PLD5: variants seen among roughly 807,000 people sequenced by gnomAD.
PLD5 encodes the protein phospholipase D family member 5.
A neutral mutation model predicts 61.1 loss-of-function variants in PLD5; 36 were observed. That is an observed-to-expected ratio of 0.59 (90% CI 0.45 to 0.78). The LOEUF (loss-of-function observed/expected upper bound fraction) is 0.78. PLD5 is among the 30% of genes least tolerant of loss of function. The pLI is 0.00. For synonymous variants in PLD5, 243 were observed against 242.8 expected (o/e 1.00, Z -0.01); for missense variants, 515 against 644.4 (o/e 0.80, Z 2.17).
intron 1 of PLD5, among the ~76,000 whole-genome samples, chr1:242,351,454 C>T (rs2580209): frequency 2.6e-5 from 4 of 152,068 alleles, no homozygotes; most frequent in Admixed American, 6.6e-5. Flanking sequence ...TTTTCCCATG[C>T]GGTTCTCATG....
At chr1:242,243,245 G>A (rs879649065) in intron 4 of PLD5, among the ~76,000 whole-genome samples, 20 of 152,336 alleles carry the variant, frequency 1.3e-4, no homozygotes, top group Non-Finnish European at 1.3e-4. Context: ...GTGGAAAAAG[G>A]CAGTTTAAAG....
At chr1:242,288,332 A>C in intron 3 of PLD5, 30 bp downstream of exon 3, 2 of 1,589,236 alleles carry the variant, frequency 1.3e-6, no homozygotes, top group Non-Finnish European at 1.7e-6. Flanking sequence ...CATAAGTAAA[A>C]TCATCACACA....
Position 242,361,453 on chromosome 1 carries a change from G to C in PLD5, c.190-13211C>G, listed in dbSNP as rs1377748672. 9.9e-5 allele frequency among the ~76,000 whole-genome samples: 15 copies of C among 152,070 alleles called. No individual in the cohort carries two copies. The East Asian group carries it at 2.7e-3, about 27-fold the overall frequency. Reference sequence around the variant, plus strand: ...GACATTAATTTTCAAATCCTTAACAGGTATAATTCCAGAAATCAATTCCAA... The same window carrying C: ...GACATTAATTTTCAAATCCTTAACACGTATAATTCCAGAAATCAATTCCAA... On this transcript the variant is annotated intron_variant, in intron 1 of 9. Coordinates refer to ENST00000536534, the MANE Select transcript of PLD5 (RefSeq NM_001372062.1).
At chr1:242,347,394 A>C (rs1252880387) in intron 2 of PLD5, among the ~76,000 whole-genome samples, 6 of 152,174 alleles carry the variant, frequency 3.9e-5, no homozygotes, top group Admixed American at 2.6e-4. Flanking sequence ...ATATATAAAA[A>C]TAGACCTCTT....
chr1:242,465,673 A>G (rs943090892), intron 1 of PLD5, among the ~76,000 whole-genome samples: 2 of 152,162 alleles, frequency 1.3e-5, no homozygotes, highest in African/African-American at 4.8e-5. Context: ...CTACGCCTGT[A>G]ATCCCAGCAC....
intron 1 of PLD5, among the ~76,000 whole-genome samples, chr1:242,409,566 G>A (rs546377071): frequency 2.4e-4 from 36 of 152,166 alleles, no homozygotes; most frequent in African/African-American, 7.7e-4. Flanking sequence ...TTTAAGGAGC[G>A]GAGAGTTTAA....
intron 1 of PLD5, among the ~76,000 whole-genome samples, chr1:242,392,341 C>A (rs548902073): frequency 2.6e-5 from 4 of 152,046 alleles, no homozygotes; most frequent in Non-Finnish European, 5.9e-5. Flanking sequence ...ATCATTCATA[C>A]CATAAACCTC....
intron 1 of PLD5, among the ~76,000 whole-genome samples, chr1:242,406,435 C>T (rs1204396110): frequency 1.3e-5 from 2 of 152,204 alleles, no homozygotes; most frequent in Non-Finnish European, 2.9e-5. Context: ...ACAATCAACA[C>T]TTCTCAAAGG....
intron 1 of PLD5, among the ~76,000 whole-genome samples, chr1:242,517,622 C>T (rs1669145981): frequency 6.6e-6 from 1 of 152,080 alleles, no homozygotes; most frequent in Admixed American, 6.5e-5. Context: ...CAACCTGTCC[C>T]TTGAAGGCAG....
At chr1:242,415,437 C>T (rs1447279876) in intron 1 of PLD5, among the ~76,000 whole-genome samples, 2 of 152,008 alleles carry the variant, frequency 1.3e-5, no homozygotes, top group Admixed American at 6.6e-5. Context: ...ATTCATTGGC[C>T]TCCCCATTCC....
At chr1:242,125,805 C>T (rs1662741059) in intron 5 of PLD5, among the ~76,000 whole-genome samples, 1 of 152,114 alleles carries the variant, frequency 6.6e-6, no homozygotes, top group South Asian at 2.1e-4. Context: ...TCTCTCTTTG[C>T]TCCCAGGACT....
chr1:242,118,726 T>G (rs1662141573), intron 6 of PLD5, among the ~76,000 whole-genome samples: 1 of 152,204 alleles, frequency 6.6e-6, no homozygotes, highest in African/African-American at 2.4e-5. Flanking sequence ...TGGCAGGTGC[T>G]CCAGCTCCAT....
chr1:242,118,218 G>A (rs897843203), intron 6 of PLD5, among the ~76,000 whole-genome samples: 2 of 152,238 alleles, frequency 1.3e-5, no homozygotes, highest in Middle Eastern at 3.4e-3. Context: ...CACTTTTTGA[G>A]CCTCTGTTTC....
chr1:242,249,223 T>C (rs1350517443), intron 4 of PLD5, among the ~76,000 whole-genome samples: 1 of 152,162 alleles, frequency 6.6e-6, no homozygotes, highest in African/African-American at 2.4e-5. Context: ...CCCTTTTGAA[T>C]TGTATTAAAT....
intron 1 of PLD5, among the ~76,000 whole-genome samples, chr1:242,350,130 A>G (rs1660390918): frequency 6.6e-6 from 1 of 152,110 alleles, no homozygotes; most frequent in Non-Finnish European, 1.5e-5. Flanking sequence ...CATAGATGAA[A>G]AAGGAAATGG....
intron 1 of PLD5, among the ~76,000 whole-genome samples, chr1:242,435,047 G>GTT (rs34085742): frequency 6.7e-5 from 10 of 149,280 alleles, no homozygotes; most frequent in African/African-American, 1.5e-4. Context: ...CCCAGCCCTT[G>GTT]TTTTTTTTTT....
chr1:242,134,167 A>T (rs1362921375), intron 5 of PLD5, among the ~76,000 whole-genome samples: 2 of 152,232 alleles, frequency 1.3e-5, no homozygotes, highest in Admixed American at 6.5e-5. Flanking sequence ...CACCCCACTT[A>T]GGCAGAGGAT....
intron 2 of PLD5, among the ~76,000 whole-genome samples, chr1:242,334,615 G>T (rs1659395125): frequency 6.6e-6 from 1 of 152,016 alleles, no homozygotes; most frequent in African/African-American, 2.4e-5. Context: ...AATCAGGTCA[G>T]CCCATCAAAG....
At chr1:242,278,656 G>C (rs1181890896) in intron 3 of PLD5, among the ~76,000 whole-genome samples, 3 of 152,162 alleles carry the variant, frequency 2.0e-5, no homozygotes, top group Non-Finnish European at 2.9e-5. Flanking sequence ...GTTCTACTAT[G>C]CTGTATCGTT....
Sources: allele counts gnomAD v4.1 joint callset (sites outside exome capture counted in the v4.1 genomes callset), GRCh38; gene constraint gnomAD v4.1.1; transcripts MANE v1.5; gene names NCBI Gene and HGNC (gene_info 2026-07-23, HGNC 2026-07-21).